The following CUL3 variants were observed in gnomAD, a reference collection of about 807,000 sequenced individuals.
CUL3 encodes the protein cullin-3.
In CUL3, 19 loss-of-function variants were observed where a neutral mutation model predicts 89.1. That is an observed-to-expected ratio of 0.21 (90% CI 0.15 to 0.31). CUL3 has a LOEUF of 0.31. CUL3 is among the 10% of genes least tolerant of loss of function. The pLI is 1.00. For synonymous variants in CUL3, 351 were observed against 308.4 expected, an observed-to-expected ratio of 1.14 and a Z score of -1.45; for missense variants, 469 against 942.3, an observed-to-expected ratio of 0.50 and a Z score of 6.58.
chr2:224,567,411 G>C (rs1202440743), intron 1 of CUL3, among the ~76,000 whole-genome samples: 3 of 151,960 alleles, frequency 2.0e-5, no homozygotes, highest in African/African-American at 7.3e-5. Context: ...TGTAGAGATG[G>C]GGGTCTTGCT....
intron 1 of CUL3, among the ~76,000 whole-genome samples, chr2:224,574,811 T>A (rs1242018344): frequency 1.3e-5 from 2 of 152,246 alleles, no homozygotes; most frequent in Non-Finnish European, 2.9e-5. Context: ...CTGCTGTAGT[T>A]CTCATCTTAA....
chr2:224,525,017 CAA>C (rs60714794), intron 3 of CUL3, among the ~76,000 whole-genome samples: 14 of 110,114 alleles, frequency 1.3e-4, no homozygotes, highest in African/African-American at 2.6e-4. Flanking sequence ...CTAAAGAAAG[CAA>C]AAAAAAAAAG....
chr2:224,518,301 A>G (rs1252148793), intron 3 of CUL3, among the ~76,000 whole-genome samples: 1 of 152,346 alleles, frequency 6.6e-6, no homozygotes, highest in East Asian at 1.9e-4. Flanking sequence ...AACATACAAC[A>G]GTATTTCCTT....
chr2:224,582,152 G>A (rs917136175), intron 1 of CUL3, among the ~76,000 whole-genome samples: 1 of 152,074 alleles, frequency 6.6e-6, no homozygotes, highest in African/African-American at 2.4e-5. Flanking sequence ...TTTAAGTAGA[G>A]ATGGGATTTC....
At chr2:224,526,207 C>A (rs1693466706) in intron 3 of CUL3, among the ~76,000 whole-genome samples, 1 of 152,218 alleles carries the variant, frequency 6.6e-6, no homozygotes, top group Non-Finnish European at 1.5e-5. Context: ...ATTAAACATT[C>A]TTCTCACTAC....
chr2:224,535,743 A>G, intron 2 of CUL3, 102 bp from the exon 3 acceptor site: 1 of 730,612 alleles, frequency 1.4e-6, no homozygotes, highest in Non-Finnish European at 2.4e-6. Context: ...TGGAATCTTT[A>G]ATTTAAATCA....
chr2:224,559,527 C>T (rs1252285460), intron 1 of CUL3, among the ~76,000 whole-genome samples: 1 of 151,846 alleles, frequency 6.6e-6, no homozygotes, highest in Non-Finnish European at 1.5e-5. Context: ...ATTCCTTCAG[C>T]ACCATCTAAT....
At chr2:224,583,175 C>T (rs1695482645) in intron 1 of CUL3, among the ~76,000 whole-genome samples, 2 of 152,052 alleles carry the variant, frequency 1.3e-5, no homozygotes, top group African/African-American at 4.8e-5. Flanking sequence ...GTCGGGAGTT[C>T]GAGACCAGCC....
intron 2 of CUL3, among the ~76,000 whole-genome samples, chr2:224,545,586 T>C (rs1694264126): frequency 6.6e-6 from 1 of 152,194 alleles, no homozygotes; most frequent in South Asian, 2.1e-4. Flanking sequence ...CAACCACTCA[T>C]TCAAAAGTAT....
chr2:224,502,863 G>A (rs931128123), intron 10 of CUL3, 102 bp downstream of exon 10: 5 of 759,908 alleles, frequency 6.6e-6, no homozygotes, highest in Non-Finnish European at 1.1e-5. Flanking sequence ...TGTCACTAAT[G>A]ACATTTAAAG....
intron 15 of CUL3, among the ~76,000 whole-genome samples, chr2:224,475,483 A>G (rs1376188636): frequency 6.6e-6 from 1 of 152,208 alleles, no homozygotes; most frequent in African/African-American, 2.4e-5. Context: ...TAATGCATCC[A>G]TGAGCCAGCT....
intron 3 of CUL3, among the ~76,000 whole-genome samples, chr2:224,521,305 A>G (rs1693249521): frequency 6.6e-6 from 1 of 152,226 alleles, no homozygotes; most frequent in South Asian, 2.1e-4. Flanking sequence ...TCTAAAACTA[A>G]CCTTTGGGTC....
At chr2:224,515,909 G>A (rs953062934) in intron 3 of CUL3, among the ~76,000 whole-genome samples, 1 of 151,894 alleles carries the variant, frequency 6.6e-6, no homozygotes, top group Non-Finnish European at 1.5e-5. Flanking sequence ...GCCTGGTCTC[G>A]AAAGTCCTGA....
intron 2 of CUL3, among the ~76,000 whole-genome samples, chr2:224,542,475 G>A (rs1169232880): frequency 6.7e-6 from 1 of 150,236 alleles, no homozygotes; most frequent in Non-Finnish European, 1.5e-5. Context: ...TCAGCAGCAC[G>A]CGCCAGCACT....
At chr2:224,479,307 T>C (rs566274765) in intron 14 of CUL3, 1 of 151,138 alleles carries the variant, frequency 6.6e-6, no homozygotes, top group African/African-American at 2.4e-5. Flanking sequence ...TGGATAAAAA[T>C]ACTGCTTTCG....
rs2106304489 is a variant in CUL3 at position 224,557,735 on chromosome 2, G to A, written c.188C>T (p.Thr63Ile). 1 of 1,611,512 alleles carries A rather than the reference G, an allele frequency of 6.2e-7. No individual in the cohort carries two copies. Among genetic ancestry groups the A allele is most frequent in the Non-Finnish European group, 8.5e-7 (1 of 1,178,222 alleles). ...SFEELYRNAY[T>I]MVLHKHGEKL... is the part of the protein sequence containing the mutation. ...TTCTCCATGTTTATGCAAAACCATT[G>A]TATATGCATTTCTATAGAGCTCCTC... Residue 63 changes from threonine to isoleucine, a missense_variant, in exon 2 of 16, where the codon ACA becomes ATA. By Grantham distance (89) the Thr-to-Ile change is moderately conservative. This residue lies in a region of CUL3 where 370 missense variants were observed against 733.2 expected (regional missense o/e 0.50). Transcript: ENST00000264414.
At chr2:224,507,743 C>T (rs940878505) in intron 6 of CUL3, among the ~76,000 whole-genome samples, 1 of 152,096 alleles carries the variant, frequency 6.6e-6, no homozygotes, top group African/African-American at 2.4e-5. Flanking sequence ...TCATTTTTCA[C>T]AAGACTAAAA....
chr2:224,557,386 A>G (rs1042568208), intron 2 of CUL3, among the ~76,000 whole-genome samples: 1 of 152,294 alleles, frequency 6.6e-6, no homozygotes, highest in South Asian at 2.1e-4. Flanking sequence ...TGTAATTAAC[A>G]TATTAATAAG....
chr2:224,519,386 C>T (rs192871955), intron 3 of CUL3, among the ~76,000 whole-genome samples: 4 of 152,070 alleles, frequency 2.6e-5, no homozygotes, highest in Non-Finnish European at 4.4e-5. Context: ...GGGTAAGAGA[C>T]AAAATCAACC....
Sources: gnomAD v4.1 joint callset for allele counts (sites outside exome capture counted in the v4.1 genomes callset) on GRCh38, gnomAD v4.1.1 for gene constraint, gnomAD v4.1.1 regional missense constraint, MANE v1.5 for transcripts, NCBI Gene and HGNC (gene_info 2026-07-23, HGNC 2026-07-21) for gene names.